The following ARHGEF7 variants were observed in gnomAD, a reference collection of about 807,000 sequenced individuals.
The protein encoded by ARHGEF7 is Rho guanine nucleotide exchange factor 7.
ARHGEF7 carries 33 observed loss-of-function variants against 109.8 expected under a neutral mutation model. The ratio of observed to expected loss-of-function variants is 0.30; its 90% CI spans 0.23 to 0.40. The LOEUF is 0.40. Ranked by LOEUF, ARHGEF7 falls within the 10% of genes least tolerant of loss-of-function variation. The pLI, the probability that ARHGEF7 is intolerant of heterozygous loss-of-function variation, is 1.00. For synonymous variants in ARHGEF7, 458 were observed against 424.6 expected (o/e 1.08, Z -0.97); for missense variants, 938 against 1,098.5 (o/e 0.85, Z 2.07).
intron 2 of ARHGEF7, among the ~76,000 whole-genome samples, chr13:111,198,698 G>A (rs563585600): frequency 1.6e-4 from 24 of 152,186 alleles, no homozygotes; most frequent in Non-Finnish European, 3.1e-4. Flanking sequence ...AGAGTGAGCA[G>A]CAGCAAGATT....
At chr13:111,233,362 T>C in intron 6 of ARHGEF7, 69 bp downstream of exon 6, 2 of 1,251,568 alleles carry the variant, frequency 1.6e-6, no homozygotes, top group South Asian at 2.4e-5. Context: ...CAATGTAGAA[T>C]GTAGTGTAAA....
rs756465507 is a variant in ARHGEF7, at chr13:111,292,381, T to A, written c.2311+87T>A. 2.2e-5 allele frequency: 34 copies of A among 1,573,566 alleles called. No individual in the cohort carries two copies. The South Asian group carries it at 3.8e-4, about 18-fold the overall frequency. ...AAATGCTTGTTGTATCGCAGCCTGCTTTTCTTAGATGTTTTCTTGCTGTTC... is the reference window on the plus strand; with the variant it reads ...AAATGCTTGTTGTATCGCAGCCTGCATTTCTTAGATGTTTTCTTGCTGTTC... On this transcript the variant is annotated intron_variant, in intron 19 of 21. Coordinates refer to ENST00000646102, the MANE Select transcript of ARHGEF7 (RefSeq NM_001354046.2).
intron 5 of ARHGEF7, among the ~76,000 whole-genome samples, chr13:111,220,680 G>C (rs969276310): frequency 6.6e-6 from 1 of 152,142 alleles, no homozygotes; most frequent in Admixed American, 6.5e-5. Context: ...GTGGGCCCTT[G>C]AGCTGGCAGC....
At chr13:111,214,802 T>C (rs72653518) in intron 4 of ARHGEF7, among the ~76,000 whole-genome samples, 3,621 of 152,366 alleles carry the variant, frequency 0.024, 73 homozygotes, top group Middle Eastern at 0.11. Context: ...ATTTCACTTA[T>C]GAATTTGAAT....
intron 2 of ARHGEF7, among the ~76,000 whole-genome samples, chr13:111,158,566 C>G (rs571462896): frequency 6.6e-6 from 1 of 152,142 alleles, no homozygotes; most frequent in Non-Finnish European, 1.5e-5. Flanking sequence ...GGAAAGCATC[C>G]AAAGGCCCAG....
intron 18 of ARHGEF7, among the ~76,000 whole-genome samples, chr13:111,290,343 A>G (rs758927548): frequency 2.0e-5 from 3 of 152,246 alleles, no homozygotes; most frequent in Non-Finnish European, 2.9e-5. Context: ...ATAAAAAATA[A>G]TTATACTTAT....
intron 2 of ARHGEF7, among the ~76,000 whole-genome samples, chr13:111,155,255 A>G (rs778789941): frequency 2.8e-4 from 43 of 152,246 alleles, no homozygotes; most frequent in Non-Finnish European, 5.4e-4. Context: ...AACCCAACAG[A>G]GGTTTCCCTT....
At chr13:111,167,185 G>T (rs908039115) in intron 2 of ARHGEF7, among the ~76,000 whole-genome samples, 2 of 152,168 alleles carry the variant, frequency 1.3e-5, no homozygotes, top group African/African-American at 4.8e-5. Flanking sequence ...GAAGCACCAT[G>T]CAAAAATAGG....
intron 1 of ARHGEF7, chr13:111,153,619 G>A (rs575189700): frequency 1.0e-5 from 12 of 1,178,782 alleles, no homozygotes; most frequent in East Asian, 5.0e-5. Context: ...TCCCGCGCGG[G>A]CCGGCGGGGG....
At chr13:111,293,870 G>A (rs1318251645) in intron 19 of ARHGEF7, 14 of 985,210 alleles carry the variant, frequency 1.4e-5, no homozygotes, top group African/African-American at 3.5e-5. Flanking sequence ...CCTGGGAGCC[G>A]GGTCCTGCTG....
At chr13:111,287,091 C>T (rs1485634818) in intron 17 of ARHGEF7, among the ~76,000 whole-genome samples, 1 of 152,252 alleles carries the variant, frequency 6.6e-6, no homozygotes, top group Non-Finnish European at 1.5e-5. Context: ...TCACCGCCAC[C>T]TTATCATCAA....
intron 8 of ARHGEF7, among the ~76,000 whole-genome samples, chr13:111,261,934 G>GCAT (rs1340616193): frequency 6.6e-6 from 1 of 152,144 alleles, no homozygotes; most frequent in African/African-American, 2.4e-5. Context: ...TGGAAACACA[G>GCAT]CATACCAAAA....
intron 15 of ARHGEF7, among the ~76,000 whole-genome samples, chr13:111,282,599 C>G (rs2092829296): frequency 6.6e-6 from 1 of 152,122 alleles, no homozygotes; most frequent in Non-Finnish European, 1.5e-5. Flanking sequence ...TGTACTCTGC[C>G]CTTGGAACAC....
At chr13:111,152,977 C>T (rs1212147560) in intron 1 of ARHGEF7, among the ~76,000 whole-genome samples, 4 of 152,206 alleles carry the variant, frequency 2.6e-5, no homozygotes, top group African/African-American at 7.2e-5. Flanking sequence ...CGCCTTCCTG[C>T]GCTCCTCCAC....
intron 5 of ARHGEF7, among the ~76,000 whole-genome samples, chr13:111,224,986 C>T (rs371965893): frequency 3.6e-4 from 55 of 152,060 alleles, no homozygotes; most frequent in Admixed American, 9.2e-4. Context: ...ATGGGCCCCC[C>T]GAGGCAGGCG....
At chr13:111,221,815 T>C (rs190378127) in intron 5 of ARHGEF7, among the ~76,000 whole-genome samples, 1 of 151,716 alleles carries the variant, frequency 6.6e-6, no homozygotes, top group Non-Finnish European at 1.5e-5. Flanking sequence ...CATATATGTA[T>C]GTATATGTGT....
intron 2 of ARHGEF7, among the ~76,000 whole-genome samples, chr13:111,164,750 T>C (rs1287040801): frequency 6.6e-6 from 1 of 152,192 alleles, no homozygotes; most frequent in African/African-American, 2.4e-5. Context: ...ACCACCATTT[T>C]CCTCACACGA....
intron 3 of ARHGEF7, 104 bp from the exon 4 acceptor site, chr13:111,209,768 G>C (rs769247716): frequency 7.5e-7 from 1 of 1,330,414 alleles, no homozygotes; most frequent in Non-Finnish European, 1.0e-6. Flanking sequence ...TGGTCTTTTG[G>C]TGTGTCCCTC....
chr13:111,186,243 C>T (rs1487701937), intron 2 of ARHGEF7, among the ~76,000 whole-genome samples: 1 of 152,122 alleles, frequency 6.6e-6, no homozygotes, highest in East Asian at 1.9e-4. Flanking sequence ...CCTCCCTGCT[C>T]TGCTCCTCTC....
Sources: gnomAD v4.1 joint callset for allele counts (sites outside exome capture counted in the v4.1 genomes callset) on GRCh38, gnomAD v4.1.1 for gene constraint, MANE v1.5 for transcripts, NCBI Gene and HGNC (gene_info 2026-07-23, HGNC 2026-07-21) for gene names.